The following AKAP6 variants were observed in gnomAD, a reference collection of about 807,000 sequenced individuals.
The protein encoded by AKAP6 is A-kinase anchoring protein 6.
Under a neutral mutation model 188.5 loss-of-function variants are expected in AKAP6, and 58 were observed. That is an observed-to-expected ratio of 0.31 (90% CI 0.25 to 0.38). The LOEUF (loss-of-function observed/expected upper bound fraction) is 0.38. Ranked by LOEUF, AKAP6 falls within the 10% of genes least tolerant of loss-of-function variation. The pLI is 1.00. For synonymous variants in AKAP6, 989 were observed against 998.6 expected (o/e 0.99, Z 0.18); for missense variants, 2,710 against 2,740.0 (o/e 0.99, Z 0.24).
At chr14:32,632,854 G>A (rs1020864143) in intron 7 of AKAP6, among the ~76,000 whole-genome samples, 1 of 152,016 alleles carries the variant, frequency 6.6e-6, no homozygotes, top group South Asian at 2.1e-4. Flanking sequence ...TTAATCATTT[G>A]CATATTTGGG....
At chr14:32,438,622 T>C (rs973082574) in intron 2 of AKAP6, 1 of 152,196 alleles carries the variant, frequency 6.6e-6, no homozygotes, top group Admixed American at 6.5e-5. Flanking sequence ...CTGAGTACTT[T>C]TTTGCATCAT....
At chr14:32,608,027 A>C (rs1886194244) in intron 7 of AKAP6, among the ~76,000 whole-genome samples, 1 of 152,202 alleles carries the variant, frequency 6.6e-6, no homozygotes, top group Non-Finnish European at 1.5e-5. Context: ...AATCCAATAG[A>C]AAATAGTTTC....
intron 2 of AKAP6, among the ~76,000 whole-genome samples, chr14:32,471,656 A>AC (rs529512698): frequency 1.1e-3 from 163 of 152,160 alleles, no homozygotes; most frequent in Non-Finnish European, 1.7e-3. Flanking sequence ...GGAATCCTGT[A>AC]CCCCCCACCA....
chr14:32,790,419 A>T (rs12433658), intron 12 of AKAP6, among the ~76,000 whole-genome samples: 81,517 of 151,732 alleles, frequency 0.54, 22,142 homozygotes, highest in South Asian at 0.7. Flanking sequence ...ACACATAATC[A>T]TCAGATTCTG....
At chr14:32,588,099 C>T (rs1885329965) in intron 5 of AKAP6, among the ~76,000 whole-genome samples, 1 of 152,162 alleles carries the variant, frequency 6.6e-6, no homozygotes, top group African/African-American at 2.4e-5. Context: ...AAGTCTTACC[C>T]TCCCTTGGGT....
At chr14:32,531,393 A>T (rs1272060680) in intron 2 of AKAP6, among the ~76,000 whole-genome samples, 1 of 152,222 alleles carries the variant, frequency 6.6e-6, no homozygotes, top group Non-Finnish European at 1.5e-5. Flanking sequence ...ATGACTTTAA[A>T]GAGTTGTGCT....
chr14:32,363,578 A>G (rs1050208175), intron 1 of AKAP6, among the ~76,000 whole-genome samples: 3 of 152,208 alleles, frequency 2.0e-5, no homozygotes, highest in Non-Finnish European at 4.4e-5. Context: ...TTGGAGTCCT[A>G]TGTTCAAGGA....
intron 8 of AKAP6, among the ~76,000 whole-genome samples, chr14:32,694,766 T>C (rs1890335940): frequency 6.6e-6 from 1 of 151,738 alleles, no homozygotes; most frequent in African/African-American, 2.4e-5. Flanking sequence ...TTTTGACAGA[T>C]CTATTAAGAT....
chr14:32,546,999 G>T lies in AKAP6; in HGVS notation c.2346G>T (p.Glu782Asp). 2 of 1,580,848 alleles carry T rather than the reference G, an allele frequency of 1.3e-6. No individual in the cohort carries two copies. Among genetic ancestry groups the T allele is most frequent in the South Asian group, 1.1e-5 (1 of 87,342 alleles). ...DNYEAIWEKI[E>D]GFVNKLDEFI... The stretch of plus-strand genomic sequence containing the variant: ...ATGAAGCCATATGGGAAAAAATAGA[G>T]GTAAGGTGGTTTTCTTAACATGAAT... The change falls in exon 4 of 14, where the codon GAG (glutamate) becomes GAT (aspartate). Residue 782 changes from glutamate to aspartate, a missense_variant and splice_region_variant. By Grantham distance (45) the Glu-to-Asp change is conservative. Coordinates refer to ENST00000280979, the MANE Select transcript of AKAP6 (RefSeq NM_004274.5).
chr14:32,405,741 C>G (rs1216082272), intron 1 of AKAP6, among the ~76,000 whole-genome samples: 1 of 152,068 alleles, frequency 6.6e-6, no homozygotes, highest in African/African-American at 2.4e-5. Flanking sequence ...AACCATCTAG[C>G]TTTTCCCCTG....
At chr14:32,378,965 C>T (rs1467996979) in intron 1 of AKAP6, among the ~76,000 whole-genome samples, 3 of 146,182 alleles carry the variant, frequency 2.1e-5, no homozygotes, top group Admixed American at 7.0e-5. Context: ...GTCACCCAGG[C>T]TAGAGTGCAG....
chr14:32,647,139 GTAT>G (rs1888017593), intron 7 of AKAP6, among the ~76,000 whole-genome samples: 1 of 152,044 alleles, frequency 6.6e-6, no homozygotes, highest in Non-Finnish European at 1.5e-5. Flanking sequence ...GGAATAGTAG[GTAT>G]TATGAAAAAC....
intron 11 of AKAP6, among the ~76,000 whole-genome samples, chr14:32,758,178 T>C (rs1047247381): frequency 6.6e-6 from 1 of 152,154 alleles, no homozygotes; most frequent in Admixed American, 6.5e-5. Context: ...CACCAATTGA[T>C]ACCTGAGCTC....
chr14:32,695,240 A>G (rs962969934), intron 8 of AKAP6, among the ~76,000 whole-genome samples: 1 of 152,100 alleles, frequency 6.6e-6, no homozygotes, highest in African/African-American at 2.4e-5. Flanking sequence ...TCTGTGGGGA[A>G]CACCTGTCTA....
chr14:32,394,312 C>T lies in AKAP6; in HGVS notation c.-34-39148C>T, dbSNP rs1594572610. On this transcript the variant is annotated intron_variant, in intron 1 of 13. Coordinates refer to ENST00000280979, the MANE Select transcript of AKAP6 (RefSeq NM_004274.5). Reference sequence around the variant, plus strand: ...AGAGATATGTTCTCTGATTGCTTGACTCAAATGCTTTATGCTTCCAAAGAT... The same window carrying T: ...AGAGATATGTTCTCTGATTGCTTGATTCAAATGCTTTATGCTTCCAAAGAT... Among the ~76,000 whole-genome samples, 3 of 152,090 alleles carry T rather than the reference C, an allele frequency of 2.0e-5. No individual in the cohort carries two copies. The South Asian group carries it at 6.2e-4, about 32-fold the overall frequency.
chr14:32,391,152 A>G (rs955911008), intron 1 of AKAP6, among the ~76,000 whole-genome samples: 1 of 152,204 alleles, frequency 6.6e-6, no homozygotes, highest in African/African-American at 2.4e-5. Flanking sequence ...TTGAGAGATT[A>G]AGTGCAAAGA....
intron 11 of AKAP6, among the ~76,000 whole-genome samples, chr14:32,773,107 C>T (rs1000832013): frequency 2.6e-5 from 4 of 152,056 alleles, no homozygotes; most frequent in Admixed American, 1.3e-4. Flanking sequence ...TCTTAATTTT[C>T]GCTTTCAGAA....
intron 1 of AKAP6, among the ~76,000 whole-genome samples, chr14:32,428,486 G>A (rs1364057446): frequency 6.6e-6 from 1 of 152,004 alleles, no homozygotes; most frequent in Non-Finnish European, 1.5e-5. Context: ...ATATTGTTTG[G>A]CCACAAGAAG....
intron 12 of AKAP6, among the ~76,000 whole-genome samples, chr14:32,813,900 G>C (rs977784724): frequency 1.3e-5 from 2 of 149,140 alleles, no homozygotes; most frequent in African/African-American, 4.9e-5. Context: ...TGCAGGGGGC[G>C]GTTGTTATGT....
Sources: allele counts gnomAD v4.1 joint callset (sites outside exome capture counted in the v4.1 genomes callset), GRCh38; gene constraint gnomAD v4.1.1; transcripts MANE v1.5; gene names NCBI Gene and HGNC (gene_info 2026-07-23, HGNC 2026-07-21).